Variants in VIPR2 observed in about 807,000 individuals in gnomAD.
VIPR2 encodes the protein vasoactive intestinal peptide receptor 2.
Under a neutral mutation model 58.0 loss-of-function variants are expected in VIPR2, and 48 were observed. The observed-to-expected ratio is 0.83, with a 90% CI of 0.66 to 1.05. The LOEUF (loss-of-function observed/expected upper bound fraction) is 1.05. VIPR2 is among the 50% of genes least tolerant of loss of function. The probability of loss-of-function intolerance (pLI) is 0.00; values close to 1 mark genes in which losing one functional copy is unlikely to be tolerated. For missense variants in VIPR2, 534 were observed against 558.0 expected, an observed-to-expected ratio of 0.96 and a Z score of 0.43; for synonymous variants, 243 against 235.2, an observed-to-expected ratio of 1.03 and a Z score of -0.30.
At chr7:159,091,870 G>A (rs1026337599) in intron 4 of VIPR2, among the ~76,000 whole-genome samples, 10 of 152,244 alleles carry the variant, frequency 6.6e-5, no homozygotes, top group African/African-American at 2.4e-5. Flanking sequence ...GCTCATGCCT[G>A]TAATCCCAAC....
At chr7:159,059,861 A>G (rs940387452) in intron 4 of VIPR2, among the ~76,000 whole-genome samples, 2 of 149,854 alleles carry the variant, frequency 1.3e-5, no homozygotes, top group Non-Finnish European at 3.0e-5. Context: ...GTCTCATCTA[A>G]CCCATACTCC....
At chr7:159,036,711 G>C (rs1264554257) in intron 7 of VIPR2, 41 bp downstream of exon 7, 7 of 1,589,084 alleles carry the variant, frequency 4.4e-6, no homozygotes, top group Non-Finnish European at 6.0e-6. Flanking sequence ...GGTCCGATGG[G>C]ATGGGATGGA....
At chr7:159,061,104 T>C (rs1231979863) in intron 4 of VIPR2, among the ~76,000 whole-genome samples, 2 of 152,042 alleles carry the variant, frequency 1.3e-5, no homozygotes, top group African/African-American at 4.8e-5. Flanking sequence ...CTGGAGGCCA[T>C]CATCCTAAGC....
intron 4 of VIPR2, among the ~76,000 whole-genome samples, chr7:159,101,258 G>A (rs1858211334): frequency 6.8e-6 from 1 of 146,442 alleles, no homozygotes; most frequent in African/African-American, 2.6e-5. Context: ...CGGGTCTCAC[G>A]AGATCCGATG....
At chr7:159,039,811 C>T (rs1440559467) in intron 6 of VIPR2, among the ~76,000 whole-genome samples, 6 of 152,324 alleles carry the variant, frequency 3.9e-5, no homozygotes, top group Admixed American at 1.3e-4. Context: ...CGAGTTCCAC[C>T]TGACAGAAAT....
intron 3 of VIPR2, among the ~76,000 whole-genome samples, chr7:159,109,256 C>T (rs762816226): frequency 3.3e-5 from 5 of 152,176 alleles, no homozygotes; most frequent in Non-Finnish European, 5.9e-5. Flanking sequence ...TTGGCAGCAC[C>T]GCATACGGAG....
At chr7:159,134,622 A>G (rs1306083065) in intron 2 of VIPR2, among the ~76,000 whole-genome samples, 1 of 152,156 alleles carries the variant, frequency 6.6e-6, no homozygotes, top group African/African-American at 2.4e-5. Flanking sequence ...GTACTGACAC[A>G]AAGTGAGTTT....
intron 4 of VIPR2, among the ~76,000 whole-genome samples, chr7:159,064,172 G>A (rs575070216): frequency 2.0e-5 from 3 of 152,226 alleles, no homozygotes; most frequent in Non-Finnish European, 4.4e-5. Flanking sequence ...AGGAGGCGAT[G>A]CGGCTGCTGG....
intron 2 of VIPR2, among the ~76,000 whole-genome samples, chr7:159,137,358 A>G (rs1797273567): frequency 6.6e-6 from 1 of 152,194 alleles, no homozygotes; most frequent in East Asian, 1.9e-4. Flanking sequence ...TATAAAAAGT[A>G]AATATAAAGA....
rs1351890658 is a variant in VIPR2, at chr7:159,128,136, C to T, written c.151+14310G>A. On this transcript the variant is annotated intron_variant, in intron 2 of 12. Transcript: ENST00000262178. The surrounding 1 kb of genome is among the most constrained non-coding windows in gnomAD (Gnocchi z 4.1). The stretch of plus-strand genomic sequence containing the variant: ...CTTCAGGCTCCTGCTGCCTCTGCCC[C>T]TGAGGGATGTGACGGGGGTGGGGGG... Among the ~76,000 whole-genome samples the T allele has an allele frequency of 6.6e-6, 1 of 152,166 alleles. No homozygotes were observed. Among genetic ancestry groups the T allele is most frequent in the Non-Finnish European group, 1.5e-5 (1 of 68,012 alleles).
At chr7:159,059,194 G>A (rs1312934193) in intron 4 of VIPR2, 10 of 469,668 alleles carry the variant, frequency 2.1e-5, no homozygotes, top group Non-Finnish European at 4.4e-5. Flanking sequence ...GAATCACAGG[G>A]AGTTCTATGA....
chr7:159,045,887 T>TATAATACATA (rs55706207), intron 5 of VIPR2, among the ~76,000 whole-genome samples: 1 of 148,634 alleles, frequency 6.7e-6, no homozygotes, highest in Non-Finnish European at 1.5e-5. Context: ...AGGATTAGTA[T>TATAATACATA]CTAAAATATA....
At chr7:159,056,301 C>T (rs910738593) in intron 5 of VIPR2, among the ~76,000 whole-genome samples, 1 of 151,798 alleles carries the variant, frequency 6.6e-6, no homozygotes, top group African/African-American at 2.4e-5. Context: ...CCTTCAGGAC[C>T]CGTGGATATA....
In VIPR2 at chr7:159,127,254, G is replaced by C. The variant is rs1377961237; in HGVS notation, c.151+15192C>G. On this transcript the variant is annotated intron_variant, in intron 2 of 12. Transcript: ENST00000262178. The surrounding 1 kb of genome is among the most constrained non-coding windows in gnomAD (Gnocchi z 4.6). ...CCATCTCCTGGGACACCGCCCTTAG[G>C]AGGCACCTGGAAACTGGATCACAGC... 1.3e-5 allele frequency among the ~76,000 whole-genome samples: 2 copies of C among 152,196 alleles called. No homozygotes were observed. Among genetic ancestry groups the C allele is most frequent in the East Asian group, 3.8e-4 (2 of 5,202 alleles).
chr7:159,091,565 G>A (rs1045425355), intron 4 of VIPR2, among the ~76,000 whole-genome samples: 17 of 152,186 alleles, frequency 1.1e-4, no homozygotes, highest in Non-Finnish European at 1.8e-4. Context: ...TGCCTGCCTC[G>A]CAGGGGGCCC....
chr7:159,077,648 T>A (rs1856705885), intron 4 of VIPR2, among the ~76,000 whole-genome samples: 1 of 151,930 alleles, frequency 6.6e-6, no homozygotes, highest in African/African-American at 2.4e-5. Context: ...GGTACTACAG[T>A]GTGCCTGTTA....
chr7:159,139,319 C>G (rs767389520), intron 2 of VIPR2, among the ~76,000 whole-genome samples: 43 of 152,210 alleles, frequency 2.8e-4, no homozygotes, highest in African/African-American at 7.7e-4. Flanking sequence ...TCAGCTACAA[C>G]ACAAATGCAC....
At position 159,097,898 on chromosome 7, in the gene VIPR2, C is replaced by T. The variant is rs1293563297; in HGVS notation, c.357+5859G>A. On this transcript the variant is annotated intron_variant, in intron 4 of 12. Transcript: ENST00000262178. This position sits in a 1 kb window ranked among gnomAD's most constrained non-coding sequence, Gnocchi z 5.3. The stretch of plus-strand genomic sequence containing the variant: ...GACTGCTGAGGCCAAGGCTTCTGGC[C>T]TCTCGTGTAAGGATTCCAGGCTCTG... Among the ~76,000 whole-genome samples, 2 of 152,142 alleles carry T rather than the reference C, an allele frequency of 1.3e-5. No individual in the cohort carries two copies. The highest frequency in any genetic ancestry group is 4.8e-5 in the African/African-American group (2 of 41,428).
At chr7:159,041,106 G>A (rs1332171992) in intron 6 of VIPR2, among the ~76,000 whole-genome samples, 1 of 152,200 alleles carries the variant, frequency 6.6e-6, no homozygotes, top group Admixed American at 6.5e-5. Context: ...GTTCCCCTCT[G>A]CCCAGTTTCC....
Sources: allele counts gnomAD v4.1 joint callset (sites outside exome capture counted in the v4.1 genomes callset), GRCh38; gene constraint gnomAD v4.1.1; non-coding constraint Gnocchi (gnomAD v3.1); transcripts MANE v1.5; gene names NCBI Gene and HGNC (gene_info 2026-07-23, HGNC 2026-07-21).